The following CDH20 variants were observed in gnomAD, a reference collection of about 807,000 sequenced individuals.
CDH20 encodes the protein cadherin 20.
A neutral mutation model predicts 74.2 loss-of-function variants in CDH20; 29 were observed. The observed-to-expected ratio is 0.39, with a 90% CI of 0.29 to 0.53. The LOEUF (loss-of-function observed/expected upper bound fraction) is 0.53. Among genes scored for constraint, CDH20 ranks in the 20% least tolerant of loss-of-function variants. CDH20 has a pLI of 0.69. For missense variants in CDH20, 988 were observed against 1,048.3 expected (o/e 0.94, Z 0.79); for synonymous variants, 469 against 405.4 (o/e 1.16, Z -1.88).
intron 1 of CDH20, among the ~76,000 whole-genome samples, chr18:61,463,609 G>A (rs76924600): frequency 3.6e-4 from 55 of 152,208 alleles, no homozygotes; most frequent in East Asian, 1.7e-3. Context: ...GAGGCTGTGC[G>A]TTGGGGGAGA....
intron 1 of CDH20, among the ~76,000 whole-genome samples, chr18:61,365,208 G>C (rs1910818839): frequency 6.6e-6 from 1 of 152,216 alleles, no homozygotes; most frequent in African/African-American, 2.4e-5. Context: ...CAGTGGCTTT[G>C]CCATTACTAC....
chr18:61,549,020 T>C (rs2144410251), intron 10 of CDH20, among the ~76,000 whole-genome samples: 1 of 152,348 alleles, frequency 6.6e-6, no homozygotes, highest in South Asian at 2.1e-4. Flanking sequence ...CCATGGGACC[T>C]CTGTGTTGGT....
chr18:61,375,025 A>G (rs1197433317), intron 1 of CDH20, among the ~76,000 whole-genome samples: 4 of 152,182 alleles, frequency 2.6e-5, no homozygotes, highest in African/African-American at 9.6e-5. Context: ...AGAATTTACT[A>G]AAAAGTATTT....
At chr18:61,473,925 C>T (rs1032240340) in intron 1 of CDH20, among the ~76,000 whole-genome samples, 1 of 152,208 alleles carries the variant, frequency 6.6e-6, no homozygotes. Context: ...AAAGGTAGCT[C>T]GTTCTTTTCA....
chr18:61,488,010 G>A (rs914193726), intron 1 of CDH20, among the ~76,000 whole-genome samples: 27 of 152,020 alleles, frequency 1.8e-4, no homozygotes, highest in Non-Finnish European at 3.4e-4. Context: ...TAACAGACAT[G>A]TGTGCTTAGG....
intron 1 of CDH20, among the ~76,000 whole-genome samples, chr18:61,422,735 T>C (rs1265528464): frequency 6.6e-6 from 1 of 151,196 alleles, no homozygotes; most frequent in East Asian, 1.9e-4. Context: ...AAAAAATACT[T>C]TTGTTAAATG....
At chr18:61,493,501 C>T (rs1470418580) in intron 2 of CDH20, among the ~76,000 whole-genome samples, 2 of 152,146 alleles carry the variant, frequency 1.3e-5, no homozygotes, top group South Asian at 2.1e-4. Context: ...ACTCAGCCCT[C>T]GTGCACAATT....
chr18:61,358,116 CTTTT>C (rs778820209), intron 1 of CDH20, among the ~76,000 whole-genome samples: 1 of 138,180 alleles, frequency 7.2e-6, no homozygotes, highest in Admixed American at 7.3e-5. Flanking sequence ...GTTATTGTTC[CTTTT>C]TTTTTTTTTT....
chr18:61,452,182 T>C (rs1356709636), intron 1 of CDH20, among the ~76,000 whole-genome samples: 1 of 152,208 alleles, frequency 6.6e-6, no homozygotes, highest in Non-Finnish European at 1.5e-5. Flanking sequence ...CTTATCATTG[T>C]CTTCATCTAT....
intron 1 of CDH20, among the ~76,000 whole-genome samples, chr18:61,399,578 AT>A (rs1272563141): frequency 6.6e-6 from 1 of 151,844 alleles, no homozygotes; most frequent in Non-Finnish European, 1.5e-5. Context: ...TACTACTGCC[AT>A]TTTTTTCATG....
At chr18:61,334,950 A>G (rs1163482698) in intron 1 of CDH20, among the ~76,000 whole-genome samples, 1 of 151,850 alleles carries the variant, frequency 6.6e-6, no homozygotes, top group African/African-American at 2.4e-5. Flanking sequence ...ATGTCCCCGG[A>G]CCTCCTCCAG....
At chr18:61,514,811 T>A (rs552987506) in intron 6 of CDH20, among the ~76,000 whole-genome samples, 2 of 151,978 alleles carry the variant, frequency 1.3e-5, no homozygotes, top group African/African-American at 4.8e-5. Flanking sequence ...TTAGGCTGCT[T>A]GGGGGTCAGG....
intron 1 of CDH20, among the ~76,000 whole-genome samples, chr18:61,363,166 G>C (rs1910755256): frequency 6.6e-6 from 1 of 152,120 alleles, no homozygotes; most frequent in East Asian, 1.9e-4. Context: ...TCTTCTCTTT[G>C]GAAAGTTTAC....
intron 9 of CDH20, among the ~76,000 whole-genome samples, chr18:61,540,156 T>C (rs922952788): frequency 2.0e-5 from 3 of 152,138 alleles, no homozygotes; most frequent in Non-Finnish European, 4.4e-5. Context: ...CCAGCAACCC[T>C]ACAGATCCCC....
chr18:61,374,399 A>T (rs758097971), intron 1 of CDH20, among the ~76,000 whole-genome samples: 1 of 152,018 alleles, frequency 6.6e-6, no homozygotes, highest in African/African-American at 2.4e-5. Context: ...ACAAAGTACA[A>T]CTCCAGGTCC....
intron 5 of CDH20, among the ~76,000 whole-genome samples, chr18:61,506,379 G>T (rs934903658): frequency 2.0e-5 from 3 of 152,166 alleles, no homozygotes; most frequent in African/African-American, 7.2e-5. Context: ...CTTCTCCTGC[G>T]CAAGGCAGGG....
intron 1 of CDH20, among the ~76,000 whole-genome samples, chr18:61,349,179 T>C (rs1376944134): frequency 6.6e-6 from 1 of 152,182 alleles, no homozygotes; most frequent in Non-Finnish European, 1.5e-5. Context: ...TTGGCAAAAC[T>C]GTTCTGTGTG....
At chr18:61,411,302 G>A (rs1200798731) in intron 1 of CDH20, among the ~76,000 whole-genome samples, 1 of 152,074 alleles carries the variant, frequency 6.6e-6, no homozygotes, top group Non-Finnish European at 1.5e-5. Context: ...CTACAATGCT[G>A]GTGGGAATGT....
intron 1 of CDH20, among the ~76,000 whole-genome samples, chr18:61,385,874 A>G (rs1491002045): frequency 2.0e-5 from 3 of 151,566 alleles, no homozygotes; most frequent in Non-Finnish European, 4.4e-5. Flanking sequence ...AGTTTGCAGT[A>G]AGCCAAGATT....
Sources: gnomAD v4.1 joint callset for allele counts (sites outside exome capture counted in the v4.1 genomes callset) on GRCh38, gnomAD v4.1.1 for gene constraint, MANE v1.5 for transcripts, NCBI Gene and HGNC (gene_info 2026-07-23, HGNC 2026-07-21) for gene names.